The following ANK3 variants were observed in gnomAD, a reference collection of about 807,000 sequenced individuals.
The protein encoded by ANK3 is ankyrin-3.
In ANK3, 57 loss-of-function variants were observed where a neutral mutation model predicts 370.9. That is an observed-to-expected ratio of 0.15 (90% confidence interval 0.12 to 0.19). The LOEUF is 0.19. ANK3 is among the 10% of genes least tolerant of loss of function. The pLI is 1.00. For synonymous variants in ANK3, 1,929 were observed against 1,946.3 expected (o/e 0.99, Z 0.23); for missense variants, 4,439 against 5,302.1 (o/e 0.84, Z 5.06).
At chr10:60,185,479 C>T (rs926690752) in intron 17 of ANK3, among the ~76,000 whole-genome samples, 2 of 152,144 alleles carry the variant, frequency 1.3e-5, no homozygotes, top group Admixed American at 1.3e-4. Context: ...GCCTAAATGA[C>T]ACAGGAAGAA....
At chr10:60,579,725 A>G (rs1321703645) in intron 2 of ANK3, among the ~76,000 whole-genome samples, 1 of 152,198 alleles carries the variant, frequency 6.6e-6, no homozygotes. Flanking sequence ...TCCTTGACCC[A>G]AGTTTCTCCA....
chr10:60,231,423 G>T (rs2097243029), intron 8 of ANK3, among the ~76,000 whole-genome samples: 1 of 152,196 alleles, frequency 6.6e-6, no homozygotes, highest in Non-Finnish European at 1.5e-5. Context: ...CGGGGGATAA[G>T]TGTGTACCAG....
intron 1 of ANK3, among the ~76,000 whole-genome samples, chr10:60,380,930 G>A (rs748867010): frequency 6.6e-5 from 10 of 152,120 alleles, no homozygotes; most frequent in Non-Finnish European, 1.5e-4. Context: ...CAATCAGATC[G>A]CAGGGAGAAG....
chr10:60,330,696 C>A (rs1217264640), intron 1 of ANK3, among the ~76,000 whole-genome samples: 3 of 152,096 alleles, frequency 2.0e-5, no homozygotes, highest in East Asian at 3.8e-4. Context: ...ACCATTGTGG[C>A]AGACAGTGTG....
chr10:60,533,531 G>A (rs1427639895), intron 2 of ANK3, among the ~76,000 whole-genome samples: 1 of 152,124 alleles, frequency 6.6e-6, no homozygotes, highest in African/African-American at 2.4e-5. Flanking sequence ...CAGCCTAGTA[G>A]TATCATGGGA....
At chr10:60,722,471 A>C (rs1347320245) in intron 1 of ANK3, among the ~76,000 whole-genome samples, 3 of 152,162 alleles carry the variant, frequency 2.0e-5, no homozygotes, top group African/African-American at 2.4e-5. Context: ...AATTAAAAAA[A>C]AAATTAATTG....
chr10:60,330,399 T>C (rs1201344217), intron 1 of ANK3, among the ~76,000 whole-genome samples: 1 of 152,178 alleles, frequency 6.6e-6, no homozygotes, highest in African/African-American at 2.4e-5. Context: ...AAAGGGCTAA[T>C]ATCTAGAATC....
At chr10:60,270,068 C>A (rs982497528) in intron 5 of ANK3, 63 bp downstream of exon 5, 2 of 1,108,302 alleles carry the variant, frequency 1.8e-6, no homozygotes, top group East Asian at 2.7e-5. Flanking sequence ...ATTCACAACT[C>A]CAGGTTTTCA....
At chr10:60,307,423 C>A (rs998630928) in intron 1 of ANK3, among the ~76,000 whole-genome samples, 2 of 152,110 alleles carry the variant, frequency 1.3e-5, no homozygotes, top group Non-Finnish European at 2.9e-5. Flanking sequence ...GCCTCATCCT[C>A]CAGGGCTCAA....
At chr10:60,438,263 G>A (rs1050627038) in intron 2 of ANK3, among the ~76,000 whole-genome samples, 4 of 151,572 alleles carry the variant, frequency 2.6e-5, no homozygotes, top group East Asian at 1.9e-4. Flanking sequence ...ATATATATAT[G>A]TATGTATGTA....
Position 60,069,292 on chromosome 10 carries a change from G to A in ANK3, c.11589C>T (p.Ser3863=), listed in dbSNP as rs1335119226. ...GTGAAGTGGCCTTTATGGGAAGTTT[G>A]GATTTTTGCCTAATCCCTATCAATT... ...TKELIGIRQK[S]KLPIKATSPK... The change falls in exon 37 of 44, where the codon TCC becomes TCT. Residue 3863 remains serine (S), a synonymous_variant. Transcript: ENST00000280772. 4.3e-6 allele frequency: 7 copies of A among 1,614,052 alleles called. No individual in the cohort carries two copies. Among genetic ancestry groups the A allele is most frequent in the African/African-American group, 1.3e-5 (1 of 74,998 alleles).
At chr10:60,659,755 T>C (rs1308166684) in intron 1 of ANK3, among the ~76,000 whole-genome samples, 1 of 151,920 alleles carries the variant, frequency 6.6e-6, no homozygotes, top group African/African-American at 2.4e-5. Context: ...GGAAAAAAAA[T>C]GCAAGTAGGA....
chr10:60,228,661 C>G (rs973105769), intron 8 of ANK3, among the ~76,000 whole-genome samples: 1 of 151,644 alleles, frequency 6.6e-6, no homozygotes, highest in East Asian at 1.9e-4. Context: ...TTATCTTTAT[C>G]TTTCCTTTGA....
At chr10:60,318,884 T>C (rs2048033722) in intron 1 of ANK3, among the ~76,000 whole-genome samples, 1 of 152,188 alleles carries the variant, frequency 6.6e-6, no homozygotes, top group Non-Finnish European at 1.5e-5. Context: ...GAAGAAAACT[T>C]TCCTGAATCT....
chr10:60,543,921 A>G (rs1417041079), intron 2 of ANK3, among the ~76,000 whole-genome samples: 2 of 116,818 alleles, frequency 1.7e-5, no homozygotes, highest in South Asian at 8.4e-4. Flanking sequence ...TTATGCTTCA[A>G]TTTGACTTAA....
chr10:60,698,687 G>A (rs1380823441), intron 1 of ANK3, among the ~76,000 whole-genome samples: 3 of 137,326 alleles, frequency 2.2e-5, no homozygotes, highest in Admixed American at 7.6e-5. Flanking sequence ...TCACTCATAG[G>A]TGGGAATTGA....
intron 7 of ANK3, among the ~76,000 whole-genome samples, chr10:60,260,278 A>G (rs1168375438): frequency 6.6e-6 from 1 of 152,150 alleles, no homozygotes; most frequent in Admixed American, 6.6e-5. Flanking sequence ...TCTGTAAAAT[A>G]AGGATAAACT....
intron 12 of ANK3, among the ~76,000 whole-genome samples, chr10:60,201,211 C>A: frequency 6.6e-6 from 1 of 152,266 alleles, no homozygotes. Flanking sequence ...GTTCCCTTTA[C>A]GAATGAAAAC....
rs567022369 is a variant in ANK3 at position 60,479,714 on chromosome 10, C to T, written c.96+135472G>A. Among the ~76,000 whole-genome samples, 4 of 151,634 alleles carry T rather than the reference C, an allele frequency of 2.6e-5. No homozygotes were observed. In the South Asian group the frequency reaches 8.4e-4, roughly 32 times the overall value. ...TATCTTAGATACCTCTTTTTATAGG[C>T]TGGTAGCATATAAAGAGACAGCCAA... On this transcript the variant is annotated intron_variant, in intron 2 of 43. Transcript: ENST00000373827.
Sources: allele counts gnomAD v4.1 joint callset (sites outside exome capture counted in the v4.1 genomes callset), GRCh38; gene constraint gnomAD v4.1.1; transcripts MANE v1.5; gene names NCBI Gene and HGNC (gene_info 2026-07-23, HGNC 2026-07-21).